Variants in GLIS3 observed in about 807,000 individuals in gnomAD.
The protein encoded by GLIS3 is GLIS family zinc finger 3.
GLIS3 carries 53 observed loss-of-function variants against 78.6 expected under a neutral mutation model. The ratio of observed to expected loss-of-function variants is 0.67; its 90% CI spans 0.54 to 0.85. The LOEUF (loss-of-function observed/expected upper bound fraction) is 0.85. GLIS3 is among the 40% of genes least tolerant of loss of function. The pLI, the probability that GLIS3 is intolerant of heterozygous loss-of-function variation, is 0.00. For missense variants in GLIS3, 1,703 were observed against 1,231.1 expected (o/e 1.38, Z -5.74); for synonymous variants, 684 against 509.9 (o/e 1.34, Z -4.60).
intron 9 of GLIS3, among the ~76,000 whole-genome samples, chr9:3,841,153 C>T (rs539905838): frequency 1.3e-5 from 2 of 152,278 alleles, no homozygotes; most frequent in Admixed American, 6.5e-5. Context: ...CCCCAAACCA[C>T]CCAAAACCCT....
At chr9:4,368,304 A>G in the GLIS3 span, among the ~76,000 whole-genome samples, 13 of 152,076 alleles carry the variant, frequency 8.5e-5, no homozygotes, top group African/African-American at 2.4e-4. Context: ...CAGAGAAATG[A>G]AAGAGCACTG....
intron 4 of GLIS3, among the ~76,000 whole-genome samples, chr9:3,979,929 T>A (rs1044060972): frequency 6.6e-6 from 1 of 152,046 alleles, no homozygotes; most frequent in Admixed American, 6.6e-5. Flanking sequence ...GACAGCAGAA[T>A]GGGTCAACGT....
intron 2 of GLIS3, among the ~76,000 whole-genome samples, chr9:4,173,251 C>A (rs1816524763): frequency 6.6e-6 from 1 of 152,154 alleles, no homozygotes; most frequent in South Asian, 2.1e-4. Context: ...TAAGTGGCTA[C>A]ATTTCAGTAA....
intron 9 of GLIS3, among the ~76,000 whole-genome samples, chr9:3,844,078 T>G (rs1308913997): frequency 6.6e-6 from 1 of 152,106 alleles, no homozygotes; most frequent in East Asian, 1.9e-4. Flanking sequence ...AACGAGAAAT[T>G]TTAAGGGAAT....
intron 4 of GLIS3, among the ~76,000 whole-genome samples, chr9:4,042,928 G>A (rs1477578715): frequency 6.8e-6 from 1 of 146,238 alleles, no homozygotes; most frequent in Non-Finnish European, 1.5e-5. Context: ...AGGACGCCAA[G>A]TCATTAGAGC....
chr9:3,824,879 T>C lies in GLIS3; in HGVS notation c.*3393A>G, dbSNP rs1381978251. ...AATAAATCTCTTTTTACACTCACTA[T>C]TTCTCCAATGAGTGCTTTTTTTTTT... On this transcript the variant is annotated 3_prime_UTR_variant, in exon 11 of 11. Transcript: ENST00000381971. 6.7e-6 allele frequency: 1 copy of C among 149,402 alleles called. No homozygotes were observed. The highest frequency in any genetic ancestry group is 1.5e-5 in the Non-Finnish European group (1 of 67,512). The allele number at this position is 149,402 out of a possible 1,614,324, so 9.3% of individuals were successfully genotyped here.
chr9:4,433,074 C>T, the GLIS3 span, among the ~76,000 whole-genome samples: 1 of 152,174 alleles, frequency 6.6e-6, no homozygotes, highest in African/African-American at 2.4e-5. Flanking sequence ...TTTTACTCAA[C>T]CAACATGCCC....
intron 2 of GLIS3, among the ~76,000 whole-genome samples, chr9:4,141,560 C>G (rs1033546156): frequency 1.3e-5 from 2 of 152,132 alleles, no homozygotes; most frequent in African/African-American, 2.4e-5. Flanking sequence ...TCAGGCCACC[C>G]CAACTAGCAA....
At position 4,227,948 on chromosome 9, in the gene GLIS3, G is replaced by GT. The variant is rs753280628; in HGVS notation, c.388+58089_388+58090insA. Among the ~76,000 whole-genome samples the GT allele has an allele frequency of 9.2e-5, 14 of 152,300 alleles. No individual in the cohort carries two copies. In the Middle Eastern group the frequency reaches 0.01, roughly 111 times the overall value. ...AATGTACTTTGTGTTGAAATTGTTT[G>GT]GGATCACATAATTTGTTGGGATCAG... On this transcript the variant is annotated intron_variant, in intron 2 of 10. Transcript: ENST00000381971.
At chr9:3,940,898 T>A (rs989452254) in intron 4 of GLIS3, among the ~76,000 whole-genome samples, 1 of 152,190 alleles carries the variant, frequency 6.6e-6, no homozygotes, top group African/African-American at 2.4e-5. Flanking sequence ...AAGGTCAACG[T>A]GTACGGCTGG....
chr9:4,103,106 G>T (rs191869749), intron 4 of GLIS3, among the ~76,000 whole-genome samples: 3 of 152,258 alleles, frequency 2.0e-5, no homozygotes, highest in Admixed American at 2.0e-4. Flanking sequence ...TTTTCCAAAA[G>T]CTAAAACACA....
chr9:4,085,663 T>A (rs547218138), intron 4 of GLIS3, among the ~76,000 whole-genome samples: 91 of 152,304 alleles, frequency 6.0e-4, no homozygotes, highest in Non-Finnish European at 6.2e-4. Context: ...GTGACTAGCT[T>A]TATCACGGGG....
chr9:4,007,837 C>G (rs1160250690), intron 4 of GLIS3, among the ~76,000 whole-genome samples: 1 of 131,306 alleles, frequency 7.6e-6, no homozygotes, highest in African/African-American at 2.9e-5. Context: ...CACAGACATT[C>G]GTAAGACTAT....
At chr9:4,277,490 A>G (rs1364025056) in intron 2 of GLIS3, among the ~76,000 whole-genome samples, 1 of 152,258 alleles carries the variant, frequency 6.6e-6, no homozygotes, top group Non-Finnish European at 1.5e-5. Flanking sequence ...GGTCTTTACA[A>G]GAGACACCAA....
intron 7 of GLIS3, among the ~76,000 whole-genome samples, chr9:3,888,395 C>A (rs547067144): frequency 6.6e-6 from 1 of 152,302 alleles, no homozygotes; most frequent in South Asian, 2.1e-4. Context: ...CTTCTAAAAT[C>A]ACTTCACAGT....
At chr9:4,188,865 C>G (rs895918265) in intron 2 of GLIS3, among the ~76,000 whole-genome samples, 1 of 152,048 alleles carries the variant, frequency 6.6e-6, no homozygotes, top group South Asian at 2.1e-4. Context: ...TTTTTTATTG[C>G]ATCTATTTCA....
chr9:3,936,986 C>G, intron 5 of GLIS3, 42 bp downstream of exon 5: 1 of 1,611,576 alleles, frequency 6.2e-7, no homozygotes, highest in East Asian at 2.2e-5. Flanking sequence ...TTCCTCACAC[C>G]AGGCGCTGGG....
the GLIS3 span, among the ~76,000 whole-genome samples, chr9:4,457,163 G>C: frequency 6.6e-6 from 1 of 152,010 alleles, no homozygotes; most frequent in Admixed American, 6.6e-5. Flanking sequence ...AGGAGTTTGA[G>C]ACCAGCTGAG....
At chr9:4,181,271 C>T (rs940945208) in intron 2 of GLIS3, among the ~76,000 whole-genome samples, 2 of 152,272 alleles carry the variant, frequency 1.3e-5, no homozygotes, top group African/African-American at 4.8e-5. Context: ...CAGCACTCGC[C>T]TCATGCAGAC....
Sources: allele counts gnomAD v4.1 joint callset (sites outside exome capture counted in the v4.1 genomes callset), GRCh38; gene constraint gnomAD v4.1.1; transcripts MANE v1.5; gene names NCBI Gene and HGNC (gene_info 2026-07-23, HGNC 2026-07-21).